DOCK9: variants seen among roughly 807,000 people sequenced by gnomAD.
DOCK9 encodes dedicator of cytokinesis 9.
In DOCK9, 89 loss-of-function variants were observed where a neutral mutation model predicts 263.3. The ratio of observed to expected loss-of-function variants is 0.34; its 90% confidence interval spans 0.28 to 0.40. The LOEUF (loss-of-function observed/expected upper bound fraction) is 0.40. DOCK9 is among the 10% of genes least tolerant of loss of function. DOCK9 has a pLI of 1.00. For synonymous variants in DOCK9, 976 were observed against 973.1 expected, an observed-to-expected ratio of 1.00 and a Z score of -0.06; for missense variants, 2,140 against 2,603.4, an observed-to-expected ratio of 0.82 and a Z score of 3.87.
At chr13:98,928,882 T>TC (rs2053474323) in intron 3 of DOCK9, among the ~76,000 whole-genome samples, 1 of 152,192 alleles carries the variant, frequency 6.6e-6, no homozygotes, top group Admixed American at 6.5e-5. Context: ...TTTACTAATA[T>TC]AGTGGCAAAG....
intron 1 of DOCK9, among the ~76,000 whole-genome samples, chr13:99,013,620 A>G (rs1884903261): frequency 6.6e-6 from 1 of 152,110 alleles, no homozygotes; most frequent in Non-Finnish European, 1.5e-5. Context: ...GGTCTGAGCA[A>G]AGGCCACGCA....
chr13:99,088,523 C>T (rs1436115983), upstream of DOCK9: 1 of 152,220 alleles, frequency 6.6e-6, no homozygotes, highest in Non-Finnish European at 1.5e-5. Flanking sequence ...TACCAGACAA[C>T]ACAAACTTTT....
At chr13:99,059,464 G>C (rs2041083657) in intron 1 of DOCK9, among the ~76,000 whole-genome samples, 1 of 151,800 alleles carries the variant, frequency 6.6e-6, no homozygotes, top group African/African-American at 2.4e-5. Flanking sequence ...TTTTGGACCT[G>C]TCTACTTCCT....
At chr13:98,955,039 C>T (rs1333600035) in intron 2 of DOCK9, among the ~76,000 whole-genome samples, 2 of 152,046 alleles carry the variant, frequency 1.3e-5, no homozygotes, top group Non-Finnish European at 2.9e-5. Context: ...ATAATTAGGC[C>T]GGGCACAGTG....
chr13:98,937,191 G>T (rs1446498779), intron 2 of DOCK9, among the ~76,000 whole-genome samples: 1 of 152,030 alleles, frequency 6.6e-6, no homozygotes, highest in East Asian at 1.9e-4. Context: ...TAATAAATCT[G>T]TACATTTGAA....
upstream of DOCK9, among the ~76,000 whole-genome samples, chr13:98,979,229 T>TAGTAGTAGTAGTAGCAGCAGCAGC (rs1555439294): frequency 1.3e-3 from 165 of 125,050 alleles, 1 homozygote; most frequent in South Asian, 3.9e-3. Context: ...GTAGTAGTAG[T>TAGTAGTAGTAGTAGCAGCAGCAGC]AGCAGCAGCG....
intron 1 of DOCK9, among the ~76,000 whole-genome samples, chr13:99,034,337 A>G (rs1566332152): frequency 6.6e-6 from 1 of 152,218 alleles, no homozygotes; most frequent in Non-Finnish European, 1.5e-5. Flanking sequence ...TGTAACTCCA[A>G]ACTGAAGCTG....
At chr13:98,867,216 G>A in intron 30 of DOCK9, 1 of 575,346 alleles carries the variant, frequency 1.7e-6, no homozygotes. Flanking sequence ...AGCCATACTG[G>A]CATGATCTGT....
chr13:98,809,840 C>A (rs1224953365), intron 46 of DOCK9, among the ~76,000 whole-genome samples: 2 of 152,174 alleles, frequency 1.3e-5, no homozygotes, highest in African/African-American at 4.8e-5. Context: ...CATTTTTTCA[C>A]GCAGGTGGAG....
intron 39 of DOCK9, among the ~76,000 whole-genome samples, chr13:98,836,049 A>G (rs774588945): frequency 6.6e-6 from 1 of 152,084 alleles, no homozygotes; most frequent in African/African-American, 2.4e-5. Flanking sequence ...CTTCTTTACT[A>G]TTAAGCAAGC....
chr13:99,035,908 T>C (rs764154510), intron 1 of DOCK9, among the ~76,000 whole-genome samples: 5 of 152,230 alleles, frequency 3.3e-5, no homozygotes, highest in Admixed American at 6.5e-5. Flanking sequence ...ATCCAAGCAG[T>C]TGAAGACCTT....
chr13:98,902,394 C>T lies in DOCK9; in HGVS notation c.1274G>A (p.Arg425Lys). 2 of 1,614,014 alleles carry T rather than the reference C, an allele frequency of 1.2e-6. No homozygotes were observed. Among genetic ancestry groups the T allele is most frequent in the Non-Finnish European group, 1.7e-6 (2 of 1,179,886 alleles). The change falls in exon 12 of 53, where the codon AGG (arginine) becomes AAG (lysine). Residue 425 changes from arginine (R) to lysine (K), a missense_variant. This residue lies in a region of DOCK9 where 1,521 missense variants were observed against 1,741.7 expected (regional missense o/e 0.87). Transcript: ENST00000682017. Reference protein sequence around the residue: ...FHVDLNHFSVRQMLATTSPAL... With the variant: ...FHVDLNHFSVKQMLATTSPAL... ...CGGGGACGTGGTGGCGAGCATTTGCCTCACTGAGAAATGGTTCAGGTCTAC... is the reference window on the plus strand; with the variant it reads ...CGGGGACGTGGTGGCGAGCATTTGCTTCACTGAGAAATGGTTCAGGTCTAC...
intron 2 of DOCK9, among the ~76,000 whole-genome samples, chr13:98,945,848 G>A (rs1468299663): frequency 1.3e-5 from 2 of 152,216 alleles, no homozygotes; most frequent in Non-Finnish European, 2.9e-5. Context: ...GTGAGAGGCT[G>A]TTAAGAGACA....
At chr13:98,997,327 A>G (rs1409874759) in intron 1 of DOCK9, among the ~76,000 whole-genome samples, 1 of 152,236 alleles carries the variant, frequency 6.6e-6, no homozygotes, top group Non-Finnish European at 1.5e-5. Flanking sequence ...GAGGCAAACA[A>G]TAAGAAAACT....
chr13:98,947,357 T>C (rs191874519), intron 2 of DOCK9, among the ~76,000 whole-genome samples: 84 of 152,092 alleles, frequency 5.5e-4, no homozygotes, highest in Admixed American at 3.5e-3. Flanking sequence ...GCTCAGCTGA[T>C]CAGTGCTACC....
intron 1 of DOCK9, among the ~76,000 whole-genome samples, chr13:98,989,949 T>C (rs1396567084): frequency 6.6e-6 from 1 of 152,214 alleles, no homozygotes; most frequent in Non-Finnish European, 1.5e-5. Flanking sequence ...TATTCACACA[T>C]CTTTCAAATA....
At position 98,949,593 on chromosome 13, in the gene DOCK9, C is replaced by T. The variant is rs745679916; in HGVS notation, c.243+5842G>A. 25 of 166,478 alleles carry T rather than the reference C, an allele frequency of 1.5e-4. No individual in the cohort carries two copies. The South Asian group carries it at 3.4e-3, about 22-fold the overall frequency. The allele number at this position is 166,478 out of a possible 1,614,324, so 10.3% of individuals were successfully genotyped here. On this transcript the variant is annotated intron_variant, in intron 2 of 52. Transcript: ENST00000682017. ...TGAACATCACCTACTGTCTTTTCTT[C>T]GACCCTTCCTTTCCAGTTTTTGAAG...
At chr13:98,900,952 G>C (rs2048185510) in intron 13 of DOCK9, among the ~76,000 whole-genome samples, 1 of 152,190 alleles carries the variant, frequency 6.6e-6, no homozygotes, top group Non-Finnish European at 1.5e-5. Flanking sequence ...ACCAGTCCTT[G>C]TCAGTGAATT....
chr13:98,948,622 T>G (rs1405605153), intron 2 of DOCK9, among the ~76,000 whole-genome samples: 2 of 152,214 alleles, frequency 1.3e-5, no homozygotes, highest in Non-Finnish European at 2.9e-5. Flanking sequence ...ACATTCTCAT[T>G]TTTCAACCAT....
Sources: gnomAD v4.1 joint callset for allele counts (sites outside exome capture counted in the v4.1 genomes callset) on GRCh38, gnomAD v4.1.1 for gene constraint, gnomAD v4.1.1 regional missense constraint, MANE v1.5 for transcripts, NCBI Gene and HGNC (gene_info 2026-07-23, HGNC 2026-07-21) for gene names.